The following PHIP variants were observed in gnomAD, a reference collection of about 807,000 sequenced individuals.
The protein encoded by PHIP is PHIP subunit of CUL4-Ring ligase complex, also known as PH-interacting protein.
A neutral mutation model predicts 236.8 loss-of-function variants in PHIP; 54 were observed. The ratio of observed to expected loss-of-function variants is 0.23; its 90% CI spans 0.18 to 0.29. The LOEUF (loss-of-function observed/expected upper bound fraction) is 0.29, where lower values mean the gene tolerates loss of function less well. PHIP is among the 10% of genes least tolerant of loss of function. The pLI is 1.00. For synonymous variants in PHIP, 756 were observed against 718.9 expected (o/e 1.05, Z -0.83); for missense variants, 1,370 against 2,190.8 (o/e 0.63, Z 7.48).
chr6:79,041,822 C>G (rs1400778048), intron 7 of PHIP, among the ~76,000 whole-genome samples: 3 of 151,810 alleles, frequency 2.0e-5, no homozygotes, highest in Non-Finnish European at 4.4e-5. Flanking sequence ...AGATTAGAGC[C>G]AAGGGAAAAG....
intron 24 of PHIP, 24 bp downstream of exon 24, chr6:78,978,568 G>C (rs760778338): frequency 8.4e-6 from 13 of 1,544,594 alleles, no homozygotes; most frequent in Non-Finnish European, 9.7e-6. Context: ...AGGAAAAATG[G>C]ATAATTTAAA....
intron 29 of PHIP, among the ~76,000 whole-genome samples, chr6:78,964,619 A>G (rs1319684604): frequency 6.6e-6 from 1 of 152,038 alleles, no homozygotes; most frequent in African/African-American, 2.4e-5. Context: ...CAACCTTCTG[A>G]GTAGCTGGGA....
intron 30 of PHIP, among the ~76,000 whole-genome samples, chr6:78,962,245 CAA>C (rs1766830655): frequency 6.6e-6 from 1 of 151,976 alleles, no homozygotes; most frequent in Non-Finnish European, 1.5e-5. Flanking sequence ...AAATATTAGA[CAA>C]GTAGAGAAAA....
intron 6 of PHIP, among the ~76,000 whole-genome samples, chr6:79,047,591 A>G (rs190976941): frequency 1.5e-4 from 23 of 152,294 alleles, no homozygotes; most frequent in African/African-American, 5.5e-4. Context: ...GGAGACTTTA[A>G]GCAAGTTACT....
In PHIP at chr6:78,935,771, C is replaced by T. The variant is rs1409968362; in HGVS notation, c.*4922G>A. 2.0e-6 allele frequency: 2 copies of T among 983,838 alleles called. No individual in the cohort carries two copies. Among genetic ancestry groups the T allele is most frequent in the Non-Finnish European group, 2.4e-6 (2 of 828,642 alleles). 60.9% of individuals were successfully genotyped at this position (983,838 alleles called of 1,614,324 possible). A position where few individuals can be genotyped will look rare whatever the true frequency, so the allele number is the denominator to read the frequency against. On this transcript the variant is annotated 3_prime_UTR_variant, in exon 40 of 40. Coordinates refer to ENST00000275034, the MANE Select transcript of PHIP (RefSeq NM_017934.7). ...CATAATGGTATCTGCCATATGACCA[C>T]TTTGGTAAGCAGCTTGTTGAGATTA...
intron 4 of PHIP, among the ~76,000 whole-genome samples, chr6:79,075,310 T>C (rs965108404): frequency 2.0e-5 from 3 of 152,128 alleles, no homozygotes; most frequent in South Asian, 2.1e-4. Context: ...TTGCATCCAG[T>C]AGATATAGAG....
chr6:79,077,676 G>A, intron 3 of PHIP, 24 bp downstream of exon 3: 5 of 974,116 alleles, frequency 5.1e-6, no homozygotes, highest in Non-Finnish European at 6.1e-6. Flanking sequence ...GCGGCGGGAC[G>A]CGCCGGGCCG....
At chr6:78,977,389 G>A (rs181806362) in intron 24 of PHIP, among the ~76,000 whole-genome samples, 16,179 of 151,334 alleles carry the variant, frequency 0.11, 882 homozygotes, top group Middle Eastern at 0.19. Context: ...GGTGGGGGAC[G>A]GGGGAGGGAT....
At chr6:79,001,847 A>G (rs922319070) in intron 17 of PHIP, 52 bp downstream of exon 17, 1 of 1,172,168 alleles carries the variant, frequency 8.5e-7, no homozygotes, top group Admixed American at 1.7e-5. Context: ...AGCAATTTTA[A>G]CAGTTCGGTG....
At chr6:79,071,608 G>A (rs941744616) in intron 4 of PHIP, among the ~76,000 whole-genome samples, 2 of 152,200 alleles carry the variant, frequency 1.3e-5, no homozygotes, top group Admixed American at 1.3e-4. Context: ...CTAAGTAAAA[G>A]TGCATTAAAA....
intron 7 of PHIP, among the ~76,000 whole-genome samples, chr6:79,040,419 A>G (rs1772150385): frequency 6.6e-6 from 1 of 152,186 alleles, no homozygotes; most frequent in South Asian, 2.1e-4. Context: ...CAAATATCTT[A>G]GAAATAAATC....
Position 79,077,892 on chromosome 6 carries a change from C to A in PHIP, c.62G>T (p.Arg21Leu). 1 of 1,590,204 alleles carries A rather than the reference C, an allele frequency of 6.3e-7. No individual in the cohort carries two copies. Residue 21 changes from arginine (R) to leucine (L), a missense_variant, in exon 2 of 40, where the codon CGG becomes CTG. Transcript: ENST00000275034. ...CTGACAGGGTCCATCTTCCAGGAAC[C>A]GGGCGATGAGGAAGTAGAGCTCTGC... The part of the protein sequence containing the change: ...LRSELYFLIA[R>L]FLEDGPCQQA...
intron 31 of PHIP, among the ~76,000 whole-genome samples, chr6:78,960,241 T>C (rs895205245): frequency 1.3e-5 from 2 of 152,206 alleles, no homozygotes; most frequent in African/African-American, 2.4e-5. Flanking sequence ...ATTATCATGT[T>C]GAGCAATATG....
chr6:78,967,153 G>C (rs895136235), intron 27 of PHIP, among the ~76,000 whole-genome samples: 1 of 152,058 alleles, frequency 6.6e-6, no homozygotes, highest in African/African-American at 2.4e-5. Flanking sequence ...CATATAGCAT[G>C]AAATGAATTA....
intron 39 of PHIP, among the ~76,000 whole-genome samples, chr6:78,944,888 TGTAACAG>T (rs1773716908): frequency 2.0e-5 from 3 of 152,292 alleles, no homozygotes; most frequent in East Asian, 3.9e-4. Flanking sequence ...GAACTTGAAG[TGTAACAG>T]TAAGGTGTCA....
At chr6:79,060,110 A>G (rs990382553) in intron 6 of PHIP, among the ~76,000 whole-genome samples, 2 of 148,860 alleles carry the variant, frequency 1.3e-5, no homozygotes, top group Non-Finnish European at 2.9e-5. Flanking sequence ...AAAAAAGAAA[A>G]AAAAAAAAAA....
chr6:78,955,030 G>A (rs1766322066), intron 34 of PHIP, 67 bp from the exon 35 acceptor site: 1 of 1,168,516 alleles, frequency 8.6e-7, no homozygotes, highest in Non-Finnish European at 1.2e-6. Context: ...TACTTTTAAT[G>A]TAGTCTTAGA....
intron 23 of PHIP, among the ~76,000 whole-genome samples, chr6:78,982,651 C>A (rs991249592): frequency 6.6e-6 from 1 of 152,002 alleles, no homozygotes; most frequent in African/African-American, 2.4e-5. Flanking sequence ...GTTAAATGTT[C>A]AATGTTTAGA....
intron 22 of PHIP, 95 bp from the exon 23 acceptor site, chr6:78,983,212 T>C (rs1293682416): frequency 4.8e-6 from 3 of 620,028 alleles, no homozygotes; most frequent in Non-Finnish European, 7.9e-6. Context: ...TAAAGAGAAA[T>C]GACAGAACAA....
Sources: allele counts gnomAD v4.1 joint callset (sites outside exome capture counted in the v4.1 genomes callset), GRCh38; gene constraint gnomAD v4.1.1; transcripts MANE v1.5; gene names NCBI Gene and HGNC (gene_info 2026-07-23, HGNC 2026-07-21).